The following KIAA0825 variants were observed in gnomAD, a reference collection of about 807,000 sequenced individuals.
KIAA0825 encodes the protein KIAA0825, also known as uncharacterized protein KIAA0825.
In KIAA0825, 119 loss-of-function variants were observed where a neutral mutation model predicts 147.6. That is an observed-to-expected ratio of 0.81 (90% CI 0.69 to 0.94). KIAA0825 has a LOEUF of 0.94. Among genes scored for constraint, KIAA0825 ranks in the 40% least tolerant of loss-of-function variants. KIAA0825 has a pLI of 0.00. For missense variants in KIAA0825, 1,381 were observed against 1,472.7 expected (o/e 0.94, Z 1.02); for synonymous variants, 470 against 518.1 (o/e 0.91, Z 1.26).
At chr5:94,272,066 A>G (rs1481057746) in intron 20 of KIAA0825, among the ~76,000 whole-genome samples, 1 of 149,086 alleles carries the variant, frequency 6.7e-6, no homozygotes. Context: ...AGCCAGACAC[A>G]GAATGACAAA....
intron 20 of KIAA0825, among the ~76,000 whole-genome samples, chr5:94,164,390 C>G (rs1228830469): frequency 6.6e-6 from 1 of 151,406 alleles, no homozygotes; most frequent in Non-Finnish European, 1.5e-5. Context: ...AACTCAGAAA[C>G]AATCCACACA....
chr5:94,304,782 C>T (rs1320127631), intron 20 of KIAA0825, among the ~76,000 whole-genome samples: 1 of 151,916 alleles, frequency 6.6e-6, no homozygotes, highest in Admixed American at 6.6e-5. Flanking sequence ...ACTGAAAATA[C>T]CCCAGCCATC....
At position 94,154,014 on chromosome 5, in the gene KIAA0825, T is replaced by C; in HGVS notation, c.3821A>G (p.Glu1274Gly). 6.5e-7 allele frequency: 1 copy of C among 1,547,092 alleles called. No individual in the cohort carries two copies. The highest frequency in any genetic ancestry group is 1.2e-5 in the South Asian group (1 of 83,956). The change falls in exon 21 of 21, where the codon GAA (glutamate) becomes GGA (glycine). Residue 1274 changes from glutamate (E) to glycine (G), a missense_variant. Physicochemically the swap from Glu to Gly is moderately conservative, Grantham distance 98. Transcript: ENST00000682413. ...QNSSASDNIE[E>G]Q ...GTTGCTGTTTTCTGCAGATTACTGT[T>C]CCTCTATGTTATCTGAGGCAGAAGA...
chr5:94,238,452 T>G (rs1015395371), intron 20 of KIAA0825, among the ~76,000 whole-genome samples: 1 of 152,204 alleles, frequency 6.6e-6, no homozygotes, highest in African/African-American at 2.4e-5. Context: ...TGTTAACTTA[T>G]GACTTTGAAA....
intron 5 of KIAA0825, among the ~76,000 whole-genome samples, chr5:94,503,087 T>TAA (rs1765286153): frequency 2.8e-5 from 4 of 141,874 alleles, no homozygotes; most frequent in African/African-American, 1.0e-4. Context: ...TATATATATA[T>TAA]GATATATATA....
At chr5:94,594,903 A>G (rs945254066) in intron 1 of KIAA0825, 1 of 293,220 alleles carries the variant, frequency 3.4e-6, no homozygotes, top group Non-Finnish European at 6.5e-6. Flanking sequence ...AAAAGCTCCA[A>G]AATAATCTTC....
At chr5:94,559,262 A>C (rs750290419) in intron 2 of KIAA0825, among the ~76,000 whole-genome samples, 1 of 152,148 alleles carries the variant, frequency 6.6e-6, no homozygotes, top group Non-Finnish European at 1.5e-5. Context: ...CAATAAAACA[A>C]TTTATATTGT....
At chr5:94,207,290 T>C (rs1307787332) in intron 20 of KIAA0825, among the ~76,000 whole-genome samples, 1 of 152,242 alleles carries the variant, frequency 6.6e-6, no homozygotes, top group Non-Finnish European at 1.5e-5. Context: ...GCATTTTTTA[T>C]ACCAGTTCTA....
chr5:94,545,042 AGAGCACAGT>A (rs1365641933), intron 2 of KIAA0825, among the ~76,000 whole-genome samples: 1 of 151,740 alleles, frequency 6.6e-6, no homozygotes, highest in Admixed American at 6.6e-5. Context: ...TAGAAGAGGG[AGAGCACAGT>A]GACTGGGGTG....
chr5:94,213,534 G>T (rs1055484517), intron 20 of KIAA0825, among the ~76,000 whole-genome samples: 9 of 151,914 alleles, frequency 5.9e-5, no homozygotes. Flanking sequence ...TTATCCTCAG[G>T]TTAAATATAA....
At chr5:94,485,774 T>C (rs1261994656) in intron 5 of KIAA0825, among the ~76,000 whole-genome samples, 1 of 151,736 alleles carries the variant, frequency 6.6e-6, no homozygotes, top group Non-Finnish European at 1.5e-5. Flanking sequence ...AACACTATAT[T>C]AAAGATACAC....
In KIAA0825 at chr5:94,529,352, A is replaced by ATGTGTATATATCATATG; in HGVS notation, c.132-5255_132-5254insCATATGATATATACACA. Among the ~76,000 whole-genome samples, 6 of 142,840 alleles carry ATGTGTATATATCATATG rather than the reference A, an allele frequency of 4.2e-5. 1 individual carries two copies. The South Asian group carries it at 1.3e-3, about 31-fold the overall frequency. The allele number at this position is 142,840 out of a possible 152,430, so 93.7% of individuals were successfully genotyped here. On this transcript the variant is annotated intron_variant, in intron 3 of 20. Coordinates refer to ENST00000682413, the MANE Select transcript of KIAA0825 (RefSeq NM_001145678.3). ...TATCATATATATGTATATATCATATATGTATATATCATATATGTATATATC... is the reference window on the plus strand; with the variant it reads ...TATCATATATATGTATATATCATATATGTGTATATATCATATGTGTATATATCATATATGTATATATC...
intron 20 of KIAA0825, among the ~76,000 whole-genome samples, chr5:94,175,248 T>C (rs1194791496): frequency 6.6e-6 from 1 of 152,184 alleles, no homozygotes; most frequent in Non-Finnish European, 1.5e-5. Context: ...AGATAATAGG[T>C]TATTTCTTCA....
rs1783585749 is a variant in KIAA0825 at position 94,587,761 on chromosome 5, A to T, written c.-152-5178T>A. 5.3e-5 allele frequency among the ~76,000 whole-genome samples: 8 copies of T among 152,192 alleles called. No homozygotes were observed. In the South Asian group the frequency reaches 1.7e-3, roughly 31 times the overall value. ...AAGACAATCCTTAGCAAAAAGAACAAAGCTAGAGGCATCATGCTACCTGAC... is the reference window on the plus strand; with the variant it reads ...AAGACAATCCTTAGCAAAAAGAACATAGCTAGAGGCATCATGCTACCTGAC... On this transcript the variant is annotated intron_variant, in intron 1 of 20. Coordinates refer to ENST00000682413, the MANE Select transcript of KIAA0825 (RefSeq NM_001145678.3).
chr5:94,367,499 A>C lies in KIAA0825; in HGVS notation c.3710+16869T>G, dbSNP rs538347484. On this transcript the variant is annotated intron_variant, in intron 20 of 20. Coordinates refer to ENST00000682413, the MANE Select transcript of KIAA0825 (RefSeq NM_001145678.3). ...GGCAACAAGAGCGACACTCGATCTC[A>C]AAAAAAAAATAGAAATAGGGATAAG... 9.5e-4 allele frequency among the ~76,000 whole-genome samples: 142 copies of C among 149,788 alleles called. 1 individual carries two copies. The highest frequency in any genetic ancestry group is 3.1e-3 in the African/African-American group (128 of 41,028).
chr5:94,453,126 T>TG, intron 12 of KIAA0825, 57 bp from the exon 13 acceptor site: 1 of 858,006 alleles, frequency 1.2e-6, no homozygotes. Flanking sequence ...CTATGACCAT[T>TG]GAAATAACTT....
At chr5:94,354,627 T>A (rs1784049723) in intron 20 of KIAA0825, among the ~76,000 whole-genome samples, 1 of 152,210 alleles carries the variant, frequency 6.6e-6, no homozygotes, top group Non-Finnish European at 1.5e-5. Context: ...CAGAATAGCC[T>A]ACGAAGGAAA....
At chr5:94,279,547 C>G (rs1235558524) in intron 20 of KIAA0825, among the ~76,000 whole-genome samples, 1 of 152,030 alleles carries the variant, frequency 6.6e-6, no homozygotes, top group Non-Finnish European at 1.5e-5. Context: ...CATTCCTCTT[C>G]CCGCCTTTCT....
chr5:94,276,470 G>A (rs1250667672), intron 20 of KIAA0825, among the ~76,000 whole-genome samples: 1 of 152,060 alleles, frequency 6.6e-6, no homozygotes, highest in Non-Finnish European at 1.5e-5. Flanking sequence ...ATTACAAGAA[G>A]CCAGAGGTGT....
Sources: gnomAD v4.1 joint callset for allele counts (sites outside exome capture counted in the v4.1 genomes callset) on GRCh38, gnomAD v4.1.1 for gene constraint, MANE v1.5 for transcripts, NCBI Gene and HGNC (gene_info 2026-07-23, HGNC 2026-07-21) for gene names.